The following KCNU1 variants were observed in gnomAD, a reference collection of about 807,000 sequenced individuals.
The protein encoded by KCNU1 is potassium calcium-activated channel subfamily U member 1.
A neutral mutation model predicts 126.8 loss-of-function variants in KCNU1; 93 were observed. The observed-to-expected ratio is 0.73, with a 90% CI of 0.62 to 0.87. KCNU1 has a LOEUF of 0.87. Ranked by LOEUF, KCNU1 falls within the 40% of genes least tolerant of loss-of-function variation. The pLI is 0.00. For synonymous variants in KCNU1, 523 were observed against 494.2 expected, an observed-to-expected ratio of 1.06 and a Z score of -0.77; for missense variants, 1,330 against 1,367.1, an observed-to-expected ratio of 0.97 and a Z score of 0.43.
intron 19 of KCNU1, among the ~76,000 whole-genome samples, chr8:36,875,221 G>C (rs1238937191): frequency 6.6e-6 from 1 of 151,574 alleles, no homozygotes; most frequent in Non-Finnish European, 1.5e-5. Context: ...ATATATTGCA[G>C]ATAAATTACT....
At chr8:36,879,207 G>GTATATATATATA (rs1482123765) in intron 19 of KCNU1, among the ~76,000 whole-genome samples, 25 of 53,874 alleles carry the variant, frequency 4.6e-4, no homozygotes, top group African/African-American at 1.2e-3. Context: ...GTGTGTGTGT[G>GTATATATATATA]TGTGTATATA....
intron 13 of KCNU1, 119 bp from the exon 14 acceptor site, chr8:36,836,674 G>C (rs1804760808): frequency 2.2e-6 from 2 of 897,530 alleles, no homozygotes; most frequent in Non-Finnish European, 3.4e-6. Context: ...ACTTTTGTGT[G>C]CAAAAATGAA....
chr8:36,800,367 G>A (rs976073581), intron 2 of KCNU1, among the ~76,000 whole-genome samples: 1 of 152,138 alleles, frequency 6.6e-6, no homozygotes, highest in African/African-American at 2.4e-5. Flanking sequence ...AGGTTTCTAT[G>A]TGTTTTCTCA....
chr8:36,872,930 C>T (rs551676563), intron 19 of KCNU1, among the ~76,000 whole-genome samples: 1 of 152,102 alleles, frequency 6.6e-6, no homozygotes, highest in South Asian at 2.1e-4. Flanking sequence ...CCTGCCTGGC[C>T]AACATGGTGA....
chr8:36,839,849 C>T (rs1804886204), intron 14 of KCNU1, among the ~76,000 whole-genome samples: 1 of 152,220 alleles, frequency 6.6e-6, no homozygotes, highest in South Asian at 2.1e-4. Flanking sequence ...TTCCTAACAG[C>T]CTTTCTGTTG....
rs776617309 is a variant in KCNU1, at chr8:36,817,692, C to G, written c.1038C>G (p.Thr346=). Residue 346 remains threonine, a synonymous_variant, in exon 10 of 27, where the codon ACC becomes ACG. Coordinates refer to ENST00000399881, the MANE Select transcript of KCNU1 (RefSeq NM_001031836.3). ...GAAACATCACTGTGGACAGTGTGAC[C>G]GCTTTCCTGAGGAATTTCCTCCGCG... ...VCGNITVDSV[T]AFLRNFLRDK... is the part of the protein sequence containing the mutation. 6.2e-7 allele frequency: 1 copy of G among 1,612,822 alleles called. No individual in the cohort carries two copies. The highest frequency in any genetic ancestry group is 8.5e-7 in the Non-Finnish European group (1 of 1,179,002).
chr8:36,935,455 G>C (rs1006517390), intron 26 of KCNU1, 60 bp from the exon 27 acceptor site: 2 of 1,383,292 alleles, frequency 1.4e-6, no homozygotes, highest in East Asian at 2.3e-5. Flanking sequence ...TTGGGTCACT[G>C]CCTGTTGCCA....
chr8:36,811,386 G>T (rs562409130), intron 7 of KCNU1, among the ~76,000 whole-genome samples: 2 of 152,130 alleles, frequency 1.3e-5, no homozygotes, highest in South Asian at 2.1e-4. Context: ...ACAAAACAGG[G>T]TCTATACAGG....
intron 24 of KCNU1, chr8:36,929,050 A>G: frequency 1.4e-6 from 1 of 698,014 alleles, no homozygotes. Flanking sequence ...AAAGGTAAGT[A>G]TTGCCATGTC....
At chr8:36,849,655 T>A (rs1273869314) in intron 18 of KCNU1, among the ~76,000 whole-genome samples, 4 of 152,198 alleles carry the variant, frequency 2.6e-5, no homozygotes, top group African/African-American at 9.6e-5. Context: ...AATATTATTC[T>A]GTTGTATTTT....
In KCNU1 at chr8:36,840,914, C is replaced by G; in HGVS notation, c.1632-18C>G. On this transcript the variant is annotated intron_variant, in intron 15 of 26. Transcript: ENST00000399881. ...CTGACCGCTTGCTCTCCTTTTGACT[C>G]CTCGTCTTCCTTCCCAGGCTCTGCT... 6.3e-7 allele frequency: 1 copy of G among 1,592,426 alleles called. No homozygotes were observed. Among genetic ancestry groups the G allele is most frequent in the Non-Finnish European group, 8.6e-7 (1 of 1,160,342 alleles).
chr8:36,853,534 GT>G (rs774748607), intron 18 of KCNU1, among the ~76,000 whole-genome samples: 4 of 151,844 alleles, frequency 2.6e-5, no homozygotes, highest in Non-Finnish European at 4.4e-5. Flanking sequence ...GAAATGTGTT[GT>G]TTTTACTTTC....
Position 36,807,410 on chromosome 8 carries a change from C to T in KCNU1, c.616C>T (p.Leu206Phe). 6.2e-7 allele frequency: 1 copy of T among 1,613,484 alleles called. No homozygotes were observed. The highest frequency in any genetic ancestry group is 8.5e-7 in the Non-Finnish European group (1 of 1,179,522). The change falls in exon 6 of 27, where the codon CTC becomes TTC. Residue 206 changes from leucine (L) to phenylalanine (F), a missense_variant. Physicochemically the swap from Leu to Phe is conservative, Grantham distance 22. Transcript: ENST00000399881. ...RFLRALRLLELPQILQILRAI... is the reference protein window; with the variant it reads ...RFLRALRLLEFPQILQILRAI... ...CCTAAGAGCCTTGCGCCTGCTAGAA[C>T]TCCCTCAAATCTTGCAAATTCTACG...
chr8:36,908,710 A>G (rs967853398), intron 20 of KCNU1, among the ~76,000 whole-genome samples: 1 of 152,068 alleles, frequency 6.6e-6, no homozygotes, highest in African/African-American at 2.4e-5. Flanking sequence ...TTGCGTGATG[A>G]ATTTCCTTGA....
chr8:36,920,976 G>C (rs370603230), intron 23 of KCNU1, among the ~76,000 whole-genome samples: 1 of 152,126 alleles, frequency 6.6e-6, no homozygotes, highest in African/African-American at 2.4e-5. Context: ...ATTCTGAGTT[G>C]CTTGTCCAGC....
At chr8:36,839,327 A>G (rs1585440232) in intron 14 of KCNU1, among the ~76,000 whole-genome samples, 1 of 152,174 alleles carries the variant, frequency 6.6e-6, no homozygotes, top group East Asian at 1.9e-4. Flanking sequence ...TTTTAAATCT[A>G]TCTCTGGAAC....
intron 11 of KCNU1, 144 bp downstream of exon 11, chr8:36,833,803 G>A (rs887788474): frequency 3.7e-6 from 2 of 547,006 alleles, no homozygotes; most frequent in African/African-American, 3.8e-5. Context: ...AAAAACAATT[G>A]TAAAGGAGGT....
At chr8:36,789,291 G>T (rs1045162714) in intron 2 of KCNU1, among the ~76,000 whole-genome samples, 1 of 152,102 alleles carries the variant, frequency 6.6e-6, no homozygotes, top group South Asian at 2.1e-4. Flanking sequence ...AGGTGGTCAA[G>T]GCTGCAGTGC....
At chr8:36,895,758 C>A (rs1433924856) in intron 19 of KCNU1, among the ~76,000 whole-genome samples, 1 of 152,068 alleles carries the variant, frequency 6.6e-6, no homozygotes, top group East Asian at 1.9e-4. Context: ...TAAAAAAATT[C>A]TATATTTCAA....
Sources: gnomAD v4.1 joint callset for allele counts (sites outside exome capture counted in the v4.1 genomes callset) on GRCh38, gnomAD v4.1.1 for gene constraint, MANE v1.5 for transcripts, NCBI Gene and HGNC (gene_info 2026-07-23, HGNC 2026-07-21) for gene names.